The following KIF1B variants were observed in gnomAD, a reference collection of about 807,000 sequenced individuals.
The protein encoded by KIF1B is kinesin family member 1B.
KIF1B carries 76 observed loss-of-function variants against 241.9 expected under a neutral mutation model. The observed-to-expected ratio is 0.31, with a 90% CI of 0.26 to 0.38. The LOEUF is 0.38. Among genes scored for constraint, KIF1B ranks in the 10% least tolerant of loss-of-function variants. The pLI is 1.00. For missense variants in KIF1B, 1,622 were observed against 2,271.4 expected (o/e 0.71, Z 5.81); for synonymous variants, 750 against 796.7 (o/e 0.94, Z 0.99).
At chr1:10,274,656 C>T (rs1288260268) in intron 10 of KIF1B, among the ~76,000 whole-genome samples, 1 of 152,106 alleles carries the variant, frequency 6.6e-6, no homozygotes, top group Non-Finnish European at 1.5e-5. Context: ...ATGACTTGCT[C>T]CTACACATCC....
chr1:10,214,298 T>C (rs977695750), intron 1 of KIF1B, among the ~76,000 whole-genome samples: 5 of 151,728 alleles, frequency 3.3e-5, no homozygotes, highest in Non-Finnish European at 5.9e-5. Context: ...TTTCTTTCTT[T>C]TTTTTTTTTA....
At chr1:10,236,052 C>T (rs1007066271) in intron 2 of KIF1B, among the ~76,000 whole-genome samples, 1 of 151,972 alleles carries the variant, frequency 6.6e-6, no homozygotes, top group Non-Finnish European at 1.5e-5. Context: ...GCGGATGGAT[C>T]ACGAGGTCAG....
At position 10,336,730 on chromosome 1, in the gene KIF1B, ATACTTTAAT is replaced by A; in HGVS notation, c.3118_3126del (p.Tyr1040_Asn1042del). 1 of 1,612,566 alleles carries A rather than the reference ATACTTTAAT, an allele frequency of 6.2e-7. No individual in the cohort carries two copies. The highest frequency in any genetic ancestry group is 8.5e-7 in the Non-Finnish European group (1 of 1,178,578). ...CAGCTAAAATATCTTTTGATAATGA[ATACTTTAAT>A]CAGGTGAGAAACCGTCAGGAAGAAG... On this transcript the variant is annotated inframe_deletion, in exon 29 of 49. Transcript: ENST00000676179.
intron 2 of KIF1B, among the ~76,000 whole-genome samples, chr1:10,236,351 T>C (rs1342342323): frequency 1.3e-5 from 2 of 152,154 alleles, no homozygotes; most frequent in African/African-American, 2.4e-5. Context: ...TTGTAGCTTA[T>C]TACAGCTTAT....
At position 10,261,990 on chromosome 1, in the gene KIF1B, G is replaced by C; in HGVS notation, c.429+20G>C. On this transcript the variant is annotated intron_variant, in intron 5 of 48. Coordinates refer to ENST00000676179, the MANE Select transcript of KIF1B (RefSeq NM_001365951.3). ...GTAGAGGTGAGTACAGCCGTGAGTTGACACCGTAAGCCCTTGTTTTCCATT... is the reference window on the plus strand; with the variant it reads ...GTAGAGGTGAGTACAGCCGTGAGTTCACACCGTAAGCCCTTGTTTTCCATT... 2 of 1,542,906 alleles carry C rather than the reference G, an allele frequency of 1.3e-6. No homozygotes were observed. The highest frequency in any genetic ancestry group is 1.8e-6 in the Non-Finnish European group (2 of 1,115,166).
intron 45 of KIF1B, among the ~76,000 whole-genome samples, chr1:10,373,362 G>A (rs1166254308): frequency 6.7e-6 from 1 of 150,226 alleles, no homozygotes; most frequent in East Asian, 2.0e-4. Flanking sequence ...AGCCTCCTGG[G>A]TAGCTGGGAT....
chr1:10,348,870 G>C (rs1652687598), intron 37 of KIF1B, 137 bp downstream of exon 37: 3 of 716,174 alleles, frequency 4.2e-6, no homozygotes. Flanking sequence ...CAAACTCCTG[G>C]GCTCAAGCAA....
At chr1:10,240,124 G>C (rs1385275783) in intron 2 of KIF1B, among the ~76,000 whole-genome samples, 1 of 152,088 alleles carries the variant, frequency 6.6e-6, no homozygotes, top group Non-Finnish European at 1.5e-5. Context: ...GGCTGGTCTT[G>C]AACTCCTGAC....
At chr1:10,226,131 T>G (rs1646905589) in intron 1 of KIF1B, among the ~76,000 whole-genome samples, 1 of 152,112 alleles carries the variant, frequency 6.6e-6, no homozygotes, top group African/African-American at 2.4e-5. Context: ...ATGGTGGTGG[T>G]AGAAATGGAG....
chr1:10,237,153 G>A lies in KIF1B; in HGVS notation c.106+4719G>A, dbSNP rs534693916. ...GGTCTTGGAGGAAATATTCTCCATG[G>A]CACAAATAAATGTTACTGTCTTGAC... On this transcript the variant is annotated intron_variant, in intron 2 of 48. Transcript: ENST00000676179. Among the ~76,000 whole-genome samples the A allele has an allele frequency of 2.6e-3, 402 of 152,234 alleles. 2 individuals are homozygous for A. The highest frequency in any genetic ancestry group is 9.3e-3 in the African/African-American group (385 of 41,548).
chr1:10,256,186 A>C, intron 2 of KIF1B, 61 bp from the exon 3 acceptor site: 1 of 1,020,462 alleles, frequency 9.8e-7, no homozygotes, highest in South Asian at 1.3e-5. Flanking sequence ...ACAGAATAAC[A>C]TGTTTAACTA....
At chr1:10,274,119 G>A (rs1181592239) in intron 10 of KIF1B, among the ~76,000 whole-genome samples, 1 of 151,682 alleles carries the variant, frequency 6.6e-6, no homozygotes, top group East Asian at 1.9e-4. Context: ...TGTATTTTTA[G>A]TAGAGATGGG....
Position 10,324,784 on chromosome 1 carries a change from T to A in KIF1B, c.2564T>A (p.Met855Lys), listed in dbSNP as rs745565933. ...CAGAGGCTGGATTTGATGCGAGAGATGTATGATAGGGCAGGGGAGATGGCC... is the reference window on the plus strand; with the variant it reads ...CAGAGGCTGGATTTGATGCGAGAGAAGTATGATAGGGCAGGGGAGATGGCC... ...LKQRLDLMRE[M>K]YDRAGEMASS... Residue 855 changes from methionine to lysine, a missense_variant, in exon 26 of 49, where the codon ATG becomes AAG. By Grantham distance (95) the Met-to-Lys change is moderately conservative. This residue lies in a region of KIF1B where 803 missense variants were observed against 1,112.0 expected (regional missense o/e 0.72). Transcript: ENST00000676179. 3 of 1,614,010 alleles carry A rather than the reference T, an allele frequency of 1.9e-6. No homozygotes were observed. Among genetic ancestry groups the A allele is most frequent in the African/African-American group, 1.3e-5 (1 of 74,924 alleles).
In KIF1B at chr1:10,365,250, C is replaced by A. The variant is rs372685277; in HGVS notation, c.4512+5C>A. 1.2e-6 allele frequency: 2 copies of A among 1,613,896 alleles called. No individual in the cohort carries two copies. Among genetic ancestry groups the A allele is most frequent in the Non-Finnish European group, 1.7e-6 (2 of 1,179,924 alleles). On this transcript the variant is annotated splice_donor_5th_base_variant and intron_variant, in intron 42 of 48. Transcript: ENST00000676179. The surrounding 1 kb of genome is among the most constrained non-coding windows in gnomAD (Gnocchi z 4.0). ...AAGCTGGAGCTCCTACATGAGGTAT[C>A]CAGGGGCAGGGTTGTTCAGATGCAA...
Position 10,267,479 on chromosome 1 carries a change from T to C in KIF1B, c.529T>C (p.Tyr177His), listed in dbSNP as rs745672583. The change falls in exon 6 of 49, where the codon TAT becomes CAT. Residue 177 changes from tyrosine (Y) to histidine (H), a missense_variant. Physicochemically the swap from Tyr to His is moderately conservative, Grantham distance 83. Around this residue, in one of 7 missense-constraint regions of KIF1B, gnomAD observed 156 missense variants for 244.8 expected, o/e 0.64. Transcript: ENST00000676179. Reference sequence around the variant, plus strand: ...GCGTGAACACCCACTTCTTGGACCCTATGTGGAGGATCTGTCCAAGTTGGC... The same window carrying C: ...GCGTGAACACCCACTTCTTGGACCCCATGTGGAGGATCTGTCCAAGTTGGC... ...RVREHPLLGPYVEDLSKLAVT... is the reference protein window; with the variant it reads ...RVREHPLLGPHVEDLSKLAVT... 6.2e-7 allele frequency: 1 copy of C among 1,614,170 alleles called. No homozygotes were observed. The highest frequency in any genetic ancestry group is 1.1e-5 in the South Asian group (1 of 91,088).
At position 10,282,615 on chromosome 1, in the gene KIF1B, C is replaced by T. The variant is rs531320867; in HGVS notation, c.1434+82C>T. 502 of 1,160,636 alleles carry T rather than the reference C, an allele frequency of 4.3e-4. 7 individuals are homozygous for T. In the Admixed American group the frequency reaches 6.5e-3, roughly 15 times the overall value. The allele number at this position is 1,160,636 out of a possible 1,614,324, so 71.9% of individuals were successfully genotyped here. On this transcript the variant is annotated intron_variant, in intron 15 of 48. Transcript: ENST00000676179. The stretch of plus-strand genomic sequence containing the variant: ...CTAGGAGTAAAAATCACTAAGATTT[C>T]GACTCAGCATATGGAGAACTCTTTG...
chr1:10,371,092 G>T (rs752507323), intron 44 of KIF1B, 49 bp from the exon 45 acceptor site: 2 of 1,613,176 alleles, frequency 1.2e-6, no homozygotes, highest in African/African-American at 2.7e-5. Context: ...TACTGTAGAG[G>T]CAGCTTTTTT....
chr1:10,261,649 G>A (rs1013471559), intron 4 of KIF1B, among the ~76,000 whole-genome samples: 7 of 152,236 alleles, frequency 4.6e-5, no homozygotes, highest in Middle Eastern at 6.8e-3. Flanking sequence ...ATATCACTAG[G>A]TGACAGGAAT....
At position 10,334,559 on chromosome 1, in the gene KIF1B, C is replaced by T. The variant is rs773799381; in HGVS notation, c.2964C>T (p.Pro988=). ...VYLSNLLYPV[P]LIHRVAIVSE... ...TGAGCAATCTGCTGTATCCCGTGCCCCTGATCCACAGGGTGGCCATCGTCA... is the reference window on the plus strand; with the variant it reads ...TGAGCAATCTGCTGTATCCCGTGCCTCTGATCCACAGGGTGGCCATCGTCA... The change falls in exon 28 of 49, where the codon CCC becomes CCT. Residue 988 remains proline (P), a synonymous_variant. Coordinates refer to ENST00000676179, the MANE Select transcript of KIF1B (RefSeq NM_001365951.3). 2 of 1,614,044 alleles carry T rather than the reference C, an allele frequency of 1.2e-6. No individual in the cohort carries two copies. Among genetic ancestry groups the T allele is most frequent in the East Asian group, 2.2e-5 (1 of 44,882 alleles).
Sources: gnomAD v4.1 joint callset for allele counts (sites outside exome capture counted in the v4.1 genomes callset) on GRCh38, gnomAD v4.1.1 for gene constraint, gnomAD v4.1.1 regional missense constraint, Gnocchi (gnomAD v3.1) non-coding constraint, MANE v1.5 for transcripts, NCBI Gene and HGNC (gene_info 2026-07-23, HGNC 2026-07-21) for gene names.